EYS: variants seen among roughly 807,000 people sequenced by gnomAD.
EYS encodes the protein EGF-like photoreceptor maintenance factor, also known as protein eyes shut homolog.
Under a neutral mutation model 282.1 loss-of-function variants are expected in EYS, and 250 were observed. That is an observed-to-expected ratio of 0.89 (90% CI 0.80 to 0.98). EYS has a LOEUF of 0.98. EYS is among the 50% of genes least tolerant of loss of function. The probability of loss-of-function intolerance (pLI) is 0.00; values close to 1 mark genes in which losing one functional copy is unlikely to be tolerated. For synonymous variants in EYS, 1,355 were observed against 1,282.9 expected (o/e 1.06, Z -1.20); for missense variants, 4,016 against 3,709.0 (o/e 1.08, Z -2.15).
intron 35 of EYS, among the ~76,000 whole-genome samples, chr6:63,931,902 T>A (rs1031544668): frequency 1.3e-5 from 2 of 152,224 alleles, no homozygotes; most frequent in African/African-American, 4.8e-5. Flanking sequence ...TTTGTATTGT[T>A]ACCCAGTCTC....
chr6:65,076,657 T>A (rs1011110355), intron 12 of EYS, among the ~76,000 whole-genome samples: 1 of 151,294 alleles, frequency 6.6e-6, no homozygotes, highest in Non-Finnish European at 1.5e-5. Flanking sequence ...GCAATATATA[T>A]GCATAAATAT....
intron 33 of EYS, among the ~76,000 whole-genome samples, chr6:64,037,360 A>G (rs796455412): frequency 2.0e-5 from 3 of 152,348 alleles, no homozygotes; most frequent in African/African-American, 7.2e-5. Context: ...TGGAAACTAA[A>G]TTAAATACAA....
At position 63,791,435 on chromosome 6, in the gene EYS, G is replaced by A. The variant is rs563302946; in HGVS notation, c.7412-2211C>T. 1.1e-4 allele frequency among the ~76,000 whole-genome samples: 16 copies of A among 152,094 alleles called. 1 individual carries two copies. The highest frequency in any genetic ancestry group is 3.4e-4 in the African/African-American group (14 of 41,496). On this transcript the variant is annotated intron_variant, in intron 37 of 42. Coordinates refer to ENST00000503581, the MANE Select transcript of EYS (RefSeq NM_001142800.2). ...TAAAAATACAAAAACAAAATTAGCCGGGCGTGGTGGCGCATGCCTGTAGTT... is the reference window on the plus strand; with the variant it reads ...TAAAAATACAAAAACAAAATTAGCCAGGCGTGGTGGCGCATGCCTGTAGTT...
chr6:64,348,227 A>G (rs1771484549), intron 29 of EYS, among the ~76,000 whole-genome samples: 1 of 151,414 alleles, frequency 6.6e-6, no homozygotes, highest in Admixed American at 6.6e-5. Context: ...TTTATTATGT[A>G]GATTATTGAT....
At chr6:65,541,954 T>C (rs1210626981) in intron 2 of EYS, among the ~76,000 whole-genome samples, 1 of 152,124 alleles carries the variant, frequency 6.6e-6, no homozygotes, top group Non-Finnish European at 1.5e-5. Flanking sequence ...GATTTTCTAA[T>C]AAGCTAGAAG....
intron 12 of EYS, among the ~76,000 whole-genome samples, chr6:65,136,030 T>C (rs936076105): frequency 2.0e-5 from 3 of 152,090 alleles, no homozygotes; most frequent in African/African-American, 7.2e-5. Flanking sequence ...TAAATATGTA[T>C]ATATGATTCT....
intron 13 of EYS, among the ~76,000 whole-genome samples, chr6:65,055,822 C>T (rs534075681): frequency 1.1e-4 from 17 of 152,104 alleles, no homozygotes; most frequent in South Asian, 1.0e-3. Flanking sequence ...GTTATTAACA[C>T]GGCTGTGTAT....
chr6:64,545,358 A>G (rs1037185644), intron 26 of EYS, among the ~76,000 whole-genome samples: 1 of 152,220 alleles, frequency 6.6e-6, no homozygotes, highest in Non-Finnish European at 1.5e-5. Flanking sequence ...TTAGGTATTG[A>G]TGGGACGTAT....
intron 12 of EYS, among the ~76,000 whole-genome samples, chr6:65,253,579 T>C (rs552926357): frequency 6.6e-6 from 1 of 152,030 alleles, no homozygotes; most frequent in South Asian, 2.1e-4. Flanking sequence ...ATAAGTCATA[T>C]ACATATTATT....
chr6:64,150,655 C>A (rs544182430), intron 31 of EYS, among the ~76,000 whole-genome samples: 1 of 151,850 alleles, frequency 6.6e-6, no homozygotes, highest in Admixed American at 6.6e-5. Context: ...ATATATGTAC[C>A]AAAATATATA....
At chr6:65,142,479 AACACACACACACAC>A (rs71268364) in intron 12 of EYS, among the ~76,000 whole-genome samples, 13 of 135,002 alleles carry the variant, frequency 9.6e-5, no homozygotes, top group African/African-American at 2.5e-4. Flanking sequence ...AGAAATACAA[AACACACACACACAC>A]ACACACACAC....
At chr6:64,066,137 C>T (rs961576058) in intron 33 of EYS, among the ~76,000 whole-genome samples, 7 of 152,066 alleles carry the variant, frequency 4.6e-5, no homozygotes, top group East Asian at 1.9e-4. Context: ...ACTAGCCAGG[C>T]GTGGTGGTGC....
chr6:65,074,042 T>C (rs1465506477), intron 12 of EYS, among the ~76,000 whole-genome samples: 1 of 152,012 alleles, frequency 6.6e-6, no homozygotes, highest in Non-Finnish European at 1.5e-5. Flanking sequence ...AGGTGGTAGT[T>C]ATAAGAGTGC....
At chr6:64,692,416 T>A (rs1203554537) in intron 22 of EYS, among the ~76,000 whole-genome samples, 1 of 152,160 alleles carries the variant, frequency 6.6e-6, no homozygotes, top group African/African-American at 2.4e-5. Context: ...ATTTTGTAGG[T>A]TATCTGTTTA....
chr6:64,577,941 C>A (rs1765936004), intron 26 of EYS, among the ~76,000 whole-genome samples: 1 of 152,038 alleles, frequency 6.6e-6, no homozygotes, highest in Non-Finnish European at 1.5e-5. Context: ...AATTGATTAT[C>A]AAAATAAAAA....
At chr6:64,538,739 A>T (rs937220050) in intron 26 of EYS, among the ~76,000 whole-genome samples, 13 of 152,222 alleles carry the variant, frequency 8.5e-5, no homozygotes, top group African/African-American at 1.9e-4. Context: ...TCATAAAAAA[A>T]TCTATAATGG....
chr6:65,185,327 A>G (rs1765491662), intron 12 of EYS, among the ~76,000 whole-genome samples: 1 of 151,836 alleles, frequency 6.6e-6, no homozygotes, highest in African/African-American at 2.4e-5. Flanking sequence ...TAGAATTCAC[A>G]TTCAGAACAC....
intron 1 of EYS, among the ~76,000 whole-genome samples, chr6:65,679,214 C>T (rs6920864): frequency 4.8e-4 from 70 of 146,540 alleles, no homozygotes; most frequent in African/African-American, 1.8e-3. Flanking sequence ...TTCATGCTCA[C>T]TGCACCTTTA....
intron 19 of EYS, among the ~76,000 whole-genome samples, chr6:64,867,132 C>A (rs1173412695): frequency 6.6e-6 from 1 of 151,700 alleles, no homozygotes; most frequent in Non-Finnish European, 1.5e-5. Flanking sequence ...TAATTTGAGG[C>A]ATAAAAATAT....
Sources: allele counts gnomAD v4.1 joint callset (sites outside exome capture counted in the v4.1 genomes callset), GRCh38; gene constraint gnomAD v4.1.1; transcripts MANE v1.5; gene names NCBI Gene and HGNC (gene_info 2026-07-23, HGNC 2026-07-21).